Variants in SDK1 observed in about 807,000 individuals in gnomAD.
The protein encoded by SDK1 is sidekick cell adhesion molecule 1, also known as protein sidekick-1.
In SDK1, 157 loss-of-function variants were observed where a neutral mutation model predicts 245.5. The observed-to-expected ratio is 0.64, with a 90% CI of 0.56 to 0.73. The LOEUF (loss-of-function observed/expected upper bound fraction) is 0.73. SDK1 is among the 30% of genes least tolerant of loss of function. SDK1 has a pLI of 0.00. For missense variants in SDK1, 3,583 were observed against 3,002.3 expected (o/e 1.19, Z -4.52); for synonymous variants, 1,647 against 1,278.5 (o/e 1.29, Z -6.15).
At chr7:3,466,658 T>C (rs1050297177) in intron 1 of SDK1, among the ~76,000 whole-genome samples, 8 of 151,652 alleles carry the variant, frequency 5.3e-5, no homozygotes, top group Non-Finnish European at 8.8e-5. Flanking sequence ...TTCTTGCTTA[T>C]CACTTAAAAT....
chr7:4,100,117 C>T (rs956230797), intron 22 of SDK1, among the ~76,000 whole-genome samples: 2 of 152,198 alleles, frequency 1.3e-5, no homozygotes, highest in African/African-American at 4.8e-5. Context: ...ACCAGCGTTT[C>T]AGGAATTTAG....
intron 1 of SDK1, among the ~76,000 whole-genome samples, chr7:3,326,948 G>C (rs947095182): frequency 4.1e-5 from 5 of 121,790 alleles, no homozygotes; most frequent in Admixed American, 2.3e-4. Flanking sequence ...CTTTAATAGT[G>C]AGTTAATTGA....
chr7:3,938,688 C>A (rs1183495712), intron 5 of SDK1, among the ~76,000 whole-genome samples: 2 of 150,470 alleles, frequency 1.3e-5, no homozygotes, highest in African/African-American at 5.0e-5. Context: ...TTTCTTGAAT[C>A]AGATATTTGG....
At chr7:3,854,919 A>T (rs959740208) in intron 5 of SDK1, among the ~76,000 whole-genome samples, 11 of 152,210 alleles carry the variant, frequency 7.2e-5, no homozygotes, top group Admixed American at 7.2e-4. Flanking sequence ...GAGTTAGGAG[A>T]CACTGAGAGC....
At chr7:4,074,886 G>GTGTATATATA (rs1401453083) in intron 20 of SDK1, among the ~76,000 whole-genome samples, 9 of 48,100 alleles carry the variant, frequency 1.9e-4, no homozygotes, top group Non-Finnish European at 2.9e-4. Context: ...CTCTCTCTCT[G>GTGTATATATA]TATATATATA....
chr7:3,700,349 T>C (rs1262840054), intron 4 of SDK1, among the ~76,000 whole-genome samples: 1 of 152,146 alleles, frequency 6.6e-6, no homozygotes, highest in Admixed American at 6.5e-5. Flanking sequence ...TGTTTGTTGG[T>C]TGATGTAAAA....
intron 12 of SDK1, among the ~76,000 whole-genome samples, chr7:3,972,929 C>T (rs1443814842): frequency 6.6e-6 from 1 of 152,186 alleles, no homozygotes; most frequent in African/African-American, 2.4e-5. Flanking sequence ...CCCCTGGGGG[C>T]CACCCTGGAG....
chr7:3,826,725 C>T (rs903861631), intron 5 of SDK1, among the ~76,000 whole-genome samples: 6 of 152,198 alleles, frequency 3.9e-5, no homozygotes, highest in South Asian at 2.1e-4. Flanking sequence ...GGATAGCTTG[C>T]GTACAGAGTG....
intron 1 of SDK1, among the ~76,000 whole-genome samples, chr7:3,321,352 A>G (rs957589964): frequency 2.0e-5 from 3 of 150,962 alleles, no homozygotes; most frequent in African/African-American, 7.3e-5. Context: ...TACTAATGAC[A>G]GAGTCCCAGG....
chr7:3,302,133 C>CA (rs1271810454), intron 1 of SDK1: 1 of 181,590 alleles, frequency 5.5e-6, no homozygotes, highest in East Asian at 1.5e-4. Flanking sequence ...GTAGCACAAA[C>CA]AAAAATTTTT....
intron 5 of SDK1, among the ~76,000 whole-genome samples, chr7:3,912,612 C>G (rs1779213321): frequency 6.6e-6 from 1 of 152,244 alleles, no homozygotes; most frequent in Non-Finnish European, 1.5e-5. Flanking sequence ...ATACCTCCCT[C>G]TCCCAGGCAG....
chr7:4,005,612 A>G (rs1785424736), intron 14 of SDK1, among the ~76,000 whole-genome samples: 1 of 152,092 alleles, frequency 6.6e-6, no homozygotes, highest in Admixed American at 6.6e-5. Context: ...GGAGTGAAAA[A>G]GAGGCGCAGT....
At chr7:3,606,980 T>A (rs1400650789) in intron 1 of SDK1, among the ~76,000 whole-genome samples, 1 of 152,068 alleles carries the variant, frequency 6.6e-6, no homozygotes, top group Non-Finnish European at 1.5e-5. Context: ...AATAAAGAAA[T>A]AATACTACTA....
chr7:4,044,931 C>A (rs1436445023), intron 17 of SDK1, among the ~76,000 whole-genome samples: 1 of 152,172 alleles, frequency 6.6e-6, no homozygotes, highest in East Asian at 1.9e-4. Flanking sequence ...ATATTCACCC[C>A]TTTACCCCCA....
intron 1 of SDK1, among the ~76,000 whole-genome samples, chr7:3,484,785 C>G (rs562482284): frequency 1.1e-4 from 16 of 152,284 alleles, no homozygotes; most frequent in South Asian, 4.2e-4. Context: ...GCCTGACTTT[C>G]GCTTAATGTC....
At chr7:3,462,407 G>A (rs920096895) in intron 1 of SDK1, among the ~76,000 whole-genome samples, 1 of 152,070 alleles carries the variant, frequency 6.6e-6, no homozygotes. Flanking sequence ...ATTTCCCAAA[G>A]CTAGACCTAG....
intron 1 of SDK1, among the ~76,000 whole-genome samples, chr7:3,398,380 A>C (rs2078646814): frequency 1.3e-5 from 2 of 151,966 alleles, no homozygotes; most frequent in Non-Finnish European, 2.9e-5. Context: ...AGTAGGCCTG[A>C]GTCCCTGGGC....
intron 4 of SDK1, among the ~76,000 whole-genome samples, chr7:3,809,288 A>T (rs1410997476): frequency 6.6e-6 from 1 of 152,162 alleles, no homozygotes; most frequent in East Asian, 1.9e-4. Context: ...CACCAAGAGG[A>T]TGGTGCTAAA....
At chr7:4,000,993 G>C (rs1428750597) in intron 14 of SDK1, among the ~76,000 whole-genome samples, 2 of 152,166 alleles carry the variant, frequency 1.3e-5, no homozygotes, top group South Asian at 2.1e-4. Flanking sequence ...TTAGCTTCCT[G>C]CCCTCACCAA....
Sources: gnomAD v4.1 joint callset for allele counts (sites outside exome capture counted in the v4.1 genomes callset) on GRCh38, gnomAD v4.1.1 for gene constraint, MANE v1.5 for transcripts, NCBI Gene and HGNC (gene_info 2026-07-23, HGNC 2026-07-21) for gene names.